CACNG2: variants seen among roughly 807,000 people sequenced by gnomAD.
CACNG2 encodes the protein voltage-dependent calcium channel gamma-2 subunit.
CACNG2 carries 3 observed loss-of-function variants against 25.9 expected under a neutral mutation model. That is an observed-to-expected ratio of 0.12 (90% confidence interval 0.05 to 0.30). The LOEUF is 0.30. Ranked by LOEUF, CACNG2 falls within the 10% of genes least tolerant of loss-of-function variation. The pLI is 1.00. For synonymous variants in CACNG2, 167 were observed against 173.3 expected (o/e 0.96, Z 0.29); for missense variants, 341 against 432.5 (o/e 0.79, Z 1.88).
chr22:36,609,374 T>G (rs1935892500), intron 1 of CACNG2, among the ~76,000 whole-genome samples: 2 of 119,650 alleles, frequency 1.7e-5, no homozygotes, highest in Admixed American at 9.4e-5. Context: ...CCCCAGAGCG[T>G]GATCGGGCAG....
chr22:36,661,675 T>A (rs6000374), intron 1 of CACNG2, among the ~76,000 whole-genome samples: 15,741 of 152,180 alleles, frequency 0.1, 2,702 homozygotes, highest in African/African-American at 0.36. Context: ...AATGAAAGGG[T>A]AACCGAGACT....
intron 3 of CACNG2, 110 bp downstream of exon 3, chr22:36,566,243 G>T: frequency 8.7e-7 from 1 of 1,148,948 alleles, no homozygotes; most frequent in Non-Finnish European, 1.3e-6. Context: ...TGCAAGTCTT[G>T]GAGATTTCCT....
chr22:36,588,059 C>T (rs1214213719), intron 1 of CACNG2, among the ~76,000 whole-genome samples: 1 of 152,232 alleles, frequency 6.6e-6, no homozygotes, highest in Non-Finnish European at 1.5e-5. Context: ...CGGAATTCAC[C>T]AAACCCAGCC....
intron 3 of CACNG2, among the ~76,000 whole-genome samples, chr22:36,565,244 C>T (rs1334962176): frequency 6.6e-6 from 1 of 152,204 alleles, no homozygotes; most frequent in African/African-American, 2.4e-5. Context: ...GATGAGGAAA[C>T]AAGCACAGAG....
rs1309079204 is a variant in CACNG2 at position 36,561,237 on chromosome 22, G to A, written c.*3114C>T. On this transcript the variant is annotated 3_prime_UTR_variant, in exon 4 of 4. Coordinates refer to ENST00000300105, the MANE Select transcript of CACNG2 (RefSeq NM_006078.5). Reference sequence around the variant, plus strand: ...CTCTGCCAGAATTCGGAGAACTGGAGCTAGTTTTTCTCTTCAGACAGTGCT... The same window carrying A: ...CTCTGCCAGAATTCGGAGAACTGGAACTAGTTTTTCTCTTCAGACAGTGCT... 1 of 152,324 alleles carries A rather than the reference G, an allele frequency of 6.6e-6. No homozygotes were observed. Among genetic ancestry groups the A allele is most frequent in the Non-Finnish European group, 1.5e-5 (1 of 68,102 alleles). The allele number at this position is 152,324 out of a possible 1,614,324, so 9.4% of individuals were successfully genotyped here. A position where few individuals can be genotyped will look rare whatever the true frequency, so the allele number is the denominator to read the frequency against.
chr22:36,587,843 G>A lies in CACNG2; in HGVS notation c.212-295C>T, dbSNP rs144037921. Among the ~76,000 whole-genome samples the A allele has an allele frequency of 2.9e-3, 445 of 152,312 alleles. 4 individuals carry two copies. Among genetic ancestry groups the A allele is most frequent in the African/African-American group, 8.9e-3 (372 of 41,568 alleles). On this transcript the variant is annotated intron_variant, in intron 1 of 3. Transcript: ENST00000300105. ...TTGGCAGCAGTGGAGGTTTGATTCC[G>A]AGCTGGGGACTGCCACGCAGGAGGC... is the stretch of plus-strand genomic sequence containing the variant.
chr22:36,587,500 G>A lies in CACNG2; in HGVS notation c.260C>T (p.Ala87Val). ...CKQIDHFPED[A>V]DYEADTAEYF... ...TTCTGCTGTGTCAGCTTCGTAATCT[G>A]CATCCTCTGGGAAGTGATCAATTTG... The change falls in exon 2 of 4, where the codon GCA (alanine) becomes GTA (valine). Residue 87 changes from alanine to valine, a missense_variant. By Grantham distance (64) the Ala-to-Val change is moderately conservative. This residue lies in a region of CACNG2 where 169 missense variants were observed against 254.4 expected (regional missense o/e 0.66). Transcript: ENST00000300105. 6.2e-7 allele frequency: 1 copy of A among 1,613,458 alleles called. No individual in the cohort carries two copies. Among genetic ancestry groups the A allele is most frequent in the Non-Finnish European group, 8.5e-7 (1 of 1,179,336 alleles).
chr22:36,574,666 C>T (rs1299210112), intron 2 of CACNG2, among the ~76,000 whole-genome samples: 1 of 152,130 alleles, frequency 6.6e-6, no homozygotes, highest in African/African-American at 2.4e-5. Flanking sequence ...CCTGTAAACC[C>T]AGCTACTTGG....
At chr22:36,636,687 T>TTGGCAGGCTGTTGCAAGC (rs1936362597) in intron 1 of CACNG2, among the ~76,000 whole-genome samples, 2 of 152,084 alleles carry the variant, frequency 1.3e-5, no homozygotes, top group African/African-American at 4.8e-5. Context: ...ATTTAACAAG[T>TTGGCAGGCTGTTGCAAGC]CTCAGAAATC....
At chr22:36,586,472 G>T (rs1043193903) in intron 2 of CACNG2, among the ~76,000 whole-genome samples, 1 of 152,234 alleles carries the variant, frequency 6.6e-6, no homozygotes, top group African/African-American at 2.4e-5. Context: ...CTGCCTGGCT[G>T]ACTTTACATT....
intron 2 of CACNG2, among the ~76,000 whole-genome samples, chr22:36,587,211 AG>A (rs1935519467): frequency 6.6e-6 from 1 of 152,174 alleles, no homozygotes; most frequent in South Asian, 2.1e-4. Flanking sequence ...TTCCTGGAGA[AG>A]GTGATGTTTT....
At chr22:36,613,673 A>G (rs1024038835) in intron 1 of CACNG2, among the ~76,000 whole-genome samples, 1 of 151,544 alleles carries the variant, frequency 6.6e-6, no homozygotes, top group Non-Finnish European at 1.5e-5. Flanking sequence ...TCACTTACAT[A>G]CTGATGACCC....
intron 2 of CACNG2, among the ~76,000 whole-genome samples, chr22:36,574,054 A>G (rs1935275188): frequency 6.6e-6 from 1 of 151,932 alleles, no homozygotes; most frequent in Non-Finnish European, 1.5e-5. Flanking sequence ...GGGAGCACCT[A>G]AGGAGAGGAG....
At chr22:36,618,268 G>A (rs1936052216) in intron 1 of CACNG2, among the ~76,000 whole-genome samples, 1 of 152,342 alleles carries the variant, frequency 6.6e-6, no homozygotes, top group Non-Finnish European at 1.5e-5. Flanking sequence ...AAACCCAGAG[G>A]AAAGCAGCCA....
intron 1 of CACNG2, among the ~76,000 whole-genome samples, chr22:36,678,046 C>T (rs1937040579): frequency 6.6e-6 from 1 of 152,140 alleles, no homozygotes. Context: ...TCAAGTGTTG[C>T]AGAGATGCCA....
intron 1 of CACNG2, among the ~76,000 whole-genome samples, chr22:36,693,437 C>T (rs1013613496): frequency 1.3e-5 from 2 of 152,162 alleles, no homozygotes; most frequent in African/African-American, 2.4e-5. Flanking sequence ...CAACCACCTT[C>T]TCACCTGCTC....
intron 1 of CACNG2, among the ~76,000 whole-genome samples, chr22:36,594,996 G>T (rs1031558781): frequency 1.3e-5 from 2 of 149,042 alleles, no homozygotes; most frequent in Non-Finnish European, 3.0e-5. Flanking sequence ...TGCTCACTGG[G>T]CAGGGTGAGA....
At chr22:36,585,449 A>C (rs1935485987) in intron 2 of CACNG2, 1 of 152,224 alleles carries the variant, frequency 6.6e-6, no homozygotes, top group Non-Finnish European at 1.5e-5. Flanking sequence ...GCTTTAAAGA[A>C]TTATTTTTGT....
intron 1 of CACNG2, among the ~76,000 whole-genome samples, chr22:36,679,842 C>T (rs185369594): frequency 4.5e-4 from 69 of 152,216 alleles, no homozygotes; most frequent in Non-Finnish European, 9.4e-4. Context: ...AAGTAATACA[C>T]GTTAAAGGTT....
Sources: allele counts gnomAD v4.1 joint callset (sites outside exome capture counted in the v4.1 genomes callset), GRCh38; gene constraint gnomAD v4.1.1; regional missense constraint gnomAD v4.1.1; transcripts MANE v1.5; gene names NCBI Gene and HGNC (gene_info 2026-07-23, HGNC 2026-07-21).